Variants in CLYBL observed in about 807,000 individuals in gnomAD.
CLYBL encodes citramalyl-CoA lyase, mitochondrial.
CLYBL carries 31 observed loss-of-function variants against 38.9 expected under a neutral mutation model. That is an observed-to-expected ratio of 0.80 (90% confidence interval 0.60 to 1.08). CLYBL has a LOEUF of 1.08. CLYBL is among the 50% of genes least tolerant of loss of function. CLYBL has a pLI of 0.00. For missense variants in CLYBL, 434 were observed against 411.6 expected (o/e 1.05, Z -0.47); for synonymous variants, 171 against 158.6 (o/e 1.08, Z -0.59).
intron 2 of CLYBL, among the ~76,000 whole-genome samples, chr13:99,846,185 C>A (rs941682544): frequency 2.0e-5 from 3 of 151,300 alleles, no homozygotes. Context: ...ATCTAAAGGA[C>A]TCAGTATATA....
chr13:99,692,286 G>GTTTT (rs71215539), intron 1 of CLYBL, among the ~76,000 whole-genome samples: 1 of 115,886 alleles, frequency 8.6e-6, no homozygotes, highest in Admixed American at 8.1e-5. Context: ...TGTTTTTTTT[G>GTTTT]TTTTTTTTTT....
intron 1 of CLYBL, among the ~76,000 whole-genome samples, chr13:99,703,855 T>C (rs907765171): frequency 6.6e-6 from 1 of 152,240 alleles, no homozygotes; most frequent in Non-Finnish European, 1.5e-5. Flanking sequence ...GCTCCTACTT[T>C]TATGTCAACA....
At chr13:99,684,955 A>T (rs2047796426) in intron 1 of CLYBL, among the ~76,000 whole-genome samples, 1 of 152,234 alleles carries the variant, frequency 6.6e-6, no homozygotes, top group Admixed American at 6.5e-5. Context: ...GTTTGATAAA[A>T]TCTGATGTAA....
At chr13:99,818,544 A>G (rs2050508886) in intron 2 of CLYBL, among the ~76,000 whole-genome samples, 1 of 151,962 alleles carries the variant, frequency 6.6e-6, no homozygotes, top group Non-Finnish European at 1.5e-5. Context: ...AGGCACTACT[A>G]TTATGCTAAT....
intron 1 of CLYBL, among the ~76,000 whole-genome samples, chr13:99,728,729 C>T (rs1469159626): frequency 6.6e-6 from 1 of 151,932 alleles, no homozygotes; most frequent in East Asian, 1.9e-4. Context: ...TGCCTGGCTA[C>T]TGTGTGCTTT....
intron 2 of CLYBL, among the ~76,000 whole-genome samples, chr13:99,854,449 C>T (rs754568088): frequency 5.3e-5 from 8 of 151,200 alleles, no homozygotes; most frequent in Non-Finnish European, 7.4e-5. Context: ...GAATTGATGC[C>T]GCTCTAATCC....
chr13:99,796,363 G>C (rs2050022522), intron 2 of CLYBL, among the ~76,000 whole-genome samples: 1 of 152,108 alleles, frequency 6.6e-6, no homozygotes, highest in Non-Finnish European at 1.5e-5. Flanking sequence ...GTTCCTTCCA[G>C]CCTCTCCCCT....
intron 1 of CLYBL, among the ~76,000 whole-genome samples, chr13:99,758,770 T>G (rs940090059): frequency 1.3e-5 from 2 of 152,242 alleles, no homozygotes; most frequent in South Asian, 2.1e-4. Context: ...TTACATTATT[T>G]CAAACAGTTT....
intron 1 of CLYBL, among the ~76,000 whole-genome samples, chr13:99,767,172 T>C (rs774836802): frequency 1.6e-4 from 25 of 152,226 alleles, no homozygotes; most frequent in Non-Finnish European, 3.5e-4. Flanking sequence ...CGGCATAATG[T>C]GGGGAATGTT....
At chr13:99,768,765 G>A (rs546412379) in intron 1 of CLYBL, among the ~76,000 whole-genome samples, 2 of 150,358 alleles carry the variant, frequency 1.3e-5, no homozygotes, top group African/African-American at 4.9e-5. Flanking sequence ...CCCCTGCCTC[G>A]GCCTCCCAAA....
intron 1 of CLYBL, among the ~76,000 whole-genome samples, chr13:99,681,758 T>C (rs2047737783): frequency 6.6e-6 from 1 of 152,070 alleles, no homozygotes; most frequent in Non-Finnish European, 1.5e-5. Context: ...GGTTACTTTT[T>C]GTATTTTTAG....
intron 1 of CLYBL, among the ~76,000 whole-genome samples, chr13:99,752,039 C>A (rs2048967506): frequency 1.3e-5 from 2 of 152,156 alleles, no homozygotes; most frequent in South Asian, 4.1e-4. Context: ...TACACACATT[C>A]CAACTCACAA....
At chr13:99,710,352 G>T (rs560148265) in intron 1 of CLYBL, among the ~76,000 whole-genome samples, 1 of 152,246 alleles carries the variant, frequency 6.6e-6, no homozygotes, top group South Asian at 2.1e-4. Flanking sequence ...AGGCAGTCAC[G>T]GGGCCGCACA....
chr13:99,640,206 A>G (rs1181489730), intron 1 of CLYBL, among the ~76,000 whole-genome samples: 6 of 152,238 alleles, frequency 3.9e-5, no homozygotes, highest in Non-Finnish European at 7.3e-5. Context: ...CACAAAGCCA[A>G]TTGAATAGAT....
chr13:99,644,891 T>C (rs998482152), intron 1 of CLYBL, among the ~76,000 whole-genome samples: 21 of 152,244 alleles, frequency 1.4e-4, no homozygotes, highest in Non-Finnish European at 2.8e-4. Flanking sequence ...TGTGTATATG[T>C]ACCACAATTT....
chr13:99,862,665 A>C (rs2139215131), intron 3 of CLYBL, among the ~76,000 whole-genome samples: 1 of 152,292 alleles, frequency 6.6e-6, no homozygotes, highest in Middle Eastern at 3.4e-3. Flanking sequence ...CATTTAACGA[A>C]GCGAGGGCAA....
intron 1 of CLYBL, among the ~76,000 whole-genome samples, chr13:99,710,877 AC>A (rs201038210): frequency 0.14 from 17,763 of 126,704 alleles, 2,306 homozygotes; most frequent in African/African-American, 0.35. Context: ...TTAGTTTCTA[AC>A]CCCTTTTTTT....
intron 1 of CLYBL, among the ~76,000 whole-genome samples, chr13:99,653,390 C>G (rs894268775): frequency 9.2e-5 from 14 of 152,066 alleles, no homozygotes; most frequent in African/African-American, 3.1e-4. Flanking sequence ...AAAAAAAGTC[C>G]TGTATATAAG....
At chr13:99,771,212 T>C (rs531904741) in intron 1 of CLYBL, among the ~76,000 whole-genome samples, 10 of 152,178 alleles carry the variant, frequency 6.6e-5, no homozygotes, top group Admixed American at 6.5e-4. Flanking sequence ...ATTTTTGCTT[T>C]TTGAGTTTTT....
Sources: gnomAD v4.1 joint callset for allele counts (sites outside exome capture counted in the v4.1 genomes callset) on GRCh38, gnomAD v4.1.1 for gene constraint, MANE v1.5 for transcripts, NCBI Gene and HGNC (gene_info 2026-07-23, HGNC 2026-07-21) for gene names.